The following CDKL4 variants were observed in gnomAD, a reference collection of about 807,000 sequenced individuals.
The protein encoded by CDKL4 is cyclin dependent kinase like 4, also known as cyclin-dependent kinase-like 4.
Under a neutral mutation model 42.0 loss-of-function variants are expected in CDKL4, and 44 were observed. The observed-to-expected ratio is 1.05, with a 90% CI of 0.82 to 1.35. The LOEUF (loss-of-function observed/expected upper bound fraction) is 1.35. CDKL4 is among the 40% of genes most tolerant of loss of function. The probability of loss-of-function intolerance (pLI) is 0.00; values close to 1 mark genes in which losing one functional copy is unlikely to be tolerated. For missense variants in CDKL4, 393 were observed against 369.9 expected (o/e 1.06, Z -0.51); for synonymous variants, 120 against 121.6 (o/e 0.99, Z 0.09).
intron 3 of CDKL4, among the ~76,000 whole-genome samples, chr2:39,220,996 T>G (rs1573007107): frequency 3.2e-4 from 17 of 53,724 alleles, no homozygotes; most frequent in South Asian, 8.4e-4. Flanking sequence ...TTTTTTTTTT[T>G]TTTTGTTTTT....
chr2:39,216,969 G>A (rs1052595013), intron 3 of CDKL4, among the ~76,000 whole-genome samples: 5 of 152,098 alleles, frequency 3.3e-5, no homozygotes, highest in African/African-American at 1.2e-4. Flanking sequence ...TCCGTCAGGG[G>A]CAAAACAACA....
chr2:39,209,220 A>T (rs2148345021), intron 4 of CDKL4, among the ~76,000 whole-genome samples: 1 of 151,898 alleles, frequency 6.6e-6, no homozygotes, highest in South Asian at 2.1e-4. Context: ...GCTAAGGTGG[A>T]AGGATTGTTT....
intron 9 of CDKL4, chr2:39,178,692 T>G: frequency 6.2e-7 from 1 of 1,609,246 alleles, no homozygotes; most frequent in South Asian, 1.1e-5. Flanking sequence ...TGTCTGGGTT[T>G]CATTCCTTTG....
rs1676108213 is a variant in CDKL4, at chr2:39,190,351, AG to A, written c.605del (p.Pro202LeufsTer11). ...AAAGTTGGTCCACATCTGATTTTCC[AG>A]GCCACAGTGGCTGGCCTGTCAGGAG... On this transcript the variant is annotated frameshift_variant, in exon 6 of 10. Transcript: ENST00000451199. LOFTEE classifies it high-confidence loss of function. 6.2e-7 allele frequency: 1 copy of A among 1,614,118 alleles called. No individual in the cohort carries two copies.
At chr2:39,171,145 A>C (rs1166581676), downstream of CDKL4, among the ~76,000 whole-genome samples, 1 of 151,900 alleles carries the variant, frequency 6.6e-6, no homozygotes, top group African/African-American at 2.4e-5. Flanking sequence ...AGGCTGAGGC[A>C]GGAGGATCGC....
chr2:39,195,807 C>T (rs969671789), intron 5 of CDKL4, among the ~76,000 whole-genome samples: 1 of 151,888 alleles, frequency 6.6e-6, no homozygotes, highest in Non-Finnish European at 1.5e-5. Context: ...CTGCGCCCTG[C>T]CTTATATATC....
intron 3 of CDKL4, among the ~76,000 whole-genome samples, chr2:39,222,649 G>C (rs1678448442): frequency 1.3e-5 from 2 of 152,158 alleles, no homozygotes; most frequent in East Asian, 3.9e-4. Flanking sequence ...AAAAAGGCTA[G>C]AACCTTCTAG....
At chr2:39,185,598 G>A (rs1558547917) in intron 7 of CDKL4, among the ~76,000 whole-genome samples, 1 of 150,442 alleles carries the variant, frequency 6.6e-6, no homozygotes, top group Non-Finnish European at 1.5e-5. Context: ...GAGTAGCTGG[G>A]ACTACAGGCG....
In CDKL4 at chr2:39,221,315, A is replaced by G. The variant is rs1573008031; in HGVS notation, c.290+4524T>C. ...CAGGCGTGAGCCACTGCGCCCGTCC[A>G]CATTGATGATCTTATGCCCACACAC... On this transcript the variant is annotated intron_variant, in intron 3 of 9. Transcript: ENST00000451199. 2.6e-5 allele frequency among the ~76,000 whole-genome samples: 4 copies of G among 152,048 alleles called. No homozygotes were observed. The East Asian group carries it at 7.7e-4, about 29-fold the overall frequency.
At chr2:39,241,877 A>G (rs1038424168) in intron 1 of CDKL4, among the ~76,000 whole-genome samples, 10 of 152,300 alleles carry the variant, frequency 6.6e-5, no homozygotes, top group Middle Eastern at 3.4e-3. Context: ...TTATTTTTCT[A>G]ACCTTTCTAT....
intron 1 of CDKL4, among the ~76,000 whole-genome samples, chr2:39,238,681 A>G (rs1284742983): frequency 6.6e-6 from 1 of 152,216 alleles, no homozygotes; most frequent in Admixed American, 6.5e-5. Flanking sequence ...ACATATATCA[A>G]TGAAACATAA....
chr2:39,211,831 C>G (rs1306990201), intron 4 of CDKL4, among the ~76,000 whole-genome samples: 1 of 151,920 alleles, frequency 6.6e-6, no homozygotes, highest in Non-Finnish European at 1.5e-5. Context: ...TTAACATTAT[C>G]GAAAGTGGGA....
At chr2:39,214,939 T>G (rs1218642418) in intron 3 of CDKL4, among the ~76,000 whole-genome samples, 1 of 152,198 alleles carries the variant, frequency 6.6e-6, no homozygotes, top group Non-Finnish European at 1.5e-5. Flanking sequence ...TCTGGGAGTA[T>G]TCTACTTTAT....
At chr2:39,210,147 T>C (rs1284383811) in intron 4 of CDKL4, among the ~76,000 whole-genome samples, 1 of 152,112 alleles carries the variant, frequency 6.6e-6, no homozygotes, top group South Asian at 2.1e-4. Context: ...TGCATTGCCA[T>C]GCCCGGCTAA....
chr2:39,217,912 T>C (rs1166694291), intron 3 of CDKL4, among the ~76,000 whole-genome samples: 1 of 151,986 alleles, frequency 6.6e-6, no homozygotes, highest in Non-Finnish European at 1.5e-5. Context: ...TTTGTATTTT[T>C]AGTAAAGATG....
intron 1 of CDKL4, among the ~76,000 whole-genome samples, chr2:39,235,088 G>A (rs764498330): frequency 2.0e-5 from 3 of 151,824 alleles, no homozygotes; most frequent in Non-Finnish European, 4.4e-5. Flanking sequence ...TGCTGCCCAG[G>A]GCTGGTCTCA....
At chr2:39,169,203 T>C in the CDKL4 span, among the ~76,000 whole-genome samples, 1 of 152,242 alleles carries the variant, frequency 6.6e-6, no homozygotes, top group African/African-American at 2.4e-5. Flanking sequence ...TCCAATTCTT[T>C]GATGAAAACA....
At chr2:39,175,258 A>G (rs1000221714), downstream of CDKL4, among the ~76,000 whole-genome samples, 4 of 152,210 alleles carry the variant, frequency 2.6e-5, no homozygotes, top group African/African-American at 9.6e-5. Flanking sequence ...TGACTTAGAC[A>G]GGAGGAGAAA....
chr2:39,205,050 T>C (rs1324805040), intron 4 of CDKL4, among the ~76,000 whole-genome samples: 1 of 152,080 alleles, frequency 6.6e-6, no homozygotes, highest in Non-Finnish European at 1.5e-5. Context: ...CAAAGTGGCA[T>C]GCACTTATGG....
Sources: allele counts gnomAD v4.1 joint callset (sites outside exome capture counted in the v4.1 genomes callset), GRCh38; gene constraint gnomAD v4.1.1; transcripts MANE v1.5; gene names NCBI Gene and HGNC (gene_info 2026-07-23, HGNC 2026-07-21).